TAFA5: variants seen among roughly 807,000 people sequenced by gnomAD.
The protein encoded by TAFA5 is TAFA chemokine like family member 5.
TAFA5 carries 6 observed loss-of-function variants against 15.3 expected under a neutral mutation model. The ratio of observed to expected loss-of-function variants is 0.39; its 90% CI spans 0.21 to 0.77. TAFA5 has a LOEUF of 0.77. Ranked by LOEUF, TAFA5 falls within the 30% of genes least tolerant of loss-of-function variation. TAFA5 has a pLI of 0.41. For missense variants in TAFA5, 161 were observed against 193.1 expected (o/e 0.83, Z 0.98); for synonymous variants, 103 against 80.7 (o/e 1.28, Z -1.48).
intron 1 of TAFA5, among the ~76,000 whole-genome samples, chr22:48,527,416 G>T (rs568907011): frequency 9.2e-5 from 14 of 152,354 alleles, no homozygotes; most frequent in Admixed American, 7.8e-4. Flanking sequence ...GCAAGGCCAG[G>T]GCAGCAGGGG....
At chr22:48,544,356 C>G (rs1601568582) in intron 1 of TAFA5, 9 of 320,828 alleles carry the variant, frequency 2.8e-5, no homozygotes, top group South Asian at 2.2e-4. Context: ...ACAGGGCAAG[C>G]CAATGCCACT....
chr22:48,588,988 G>A (rs912613488), intron 1 of TAFA5, among the ~76,000 whole-genome samples: 1 of 152,236 alleles, frequency 6.6e-6, no homozygotes, highest in African/African-American at 2.4e-5. Flanking sequence ...GATTACAGAA[G>A]CAGCCAAGCA....
intron 3 of TAFA5, among the ~76,000 whole-genome samples, chr22:48,733,531 T>G (rs1929925386): frequency 6.6e-6 from 1 of 152,252 alleles, no homozygotes; most frequent in Admixed American, 6.5e-5. Context: ...GTGTGTGATA[T>G]GAGAAAATAA....
At chr22:48,510,353 A>C (rs983291569) in intron 1 of TAFA5, among the ~76,000 whole-genome samples, 3 of 152,148 alleles carry the variant, frequency 2.0e-5, no homozygotes, top group Admixed American at 2.0e-4. Context: ...CAGCAAAAAA[A>C]CCCCCAAATA....
chr22:48,553,666 C>T, intron 1 of TAFA5, among the ~76,000 whole-genome samples: 1 of 152,222 alleles, frequency 6.6e-6, no homozygotes, highest in East Asian at 1.9e-4. Context: ...TGTCTCTGAG[C>T]ATACCTCCAT....
intron 2 of TAFA5, among the ~76,000 whole-genome samples, chr22:48,673,804 G>C (rs1030498679): frequency 2.0e-5 from 3 of 152,208 alleles, no homozygotes; most frequent in Non-Finnish European, 4.4e-5. Context: ...GGTCCACACA[G>C]AGACACCGCC....
chr22:48,607,778 A>G (rs1230122576), intron 1 of TAFA5, among the ~76,000 whole-genome samples: 1 of 152,024 alleles, frequency 6.6e-6, no homozygotes, highest in African/African-American at 2.4e-5. Context: ...GGCAGACCCA[A>G]AGGAGAGTGG....
chr22:48,734,613 A>G (rs1249980928), intron 3 of TAFA5, among the ~76,000 whole-genome samples: 1 of 152,262 alleles, frequency 6.6e-6, no homozygotes, highest in Non-Finnish European at 1.5e-5. Flanking sequence ...GACCTGCCTC[A>G]GGAGTTAACA....
chr22:48,672,127 C>A (rs1022634), intron 2 of TAFA5, among the ~76,000 whole-genome samples: 71,593 of 152,084 alleles, frequency 0.47, 17,588 homozygotes, highest in East Asian at 0.59. Flanking sequence ...ATTTTCATCT[C>A]GAAGTTTCCT....
intron 2 of TAFA5, among the ~76,000 whole-genome samples, chr22:48,649,956 G>A (rs1464122583): frequency 6.6e-6 from 1 of 152,136 alleles, no homozygotes; most frequent in Non-Finnish European, 1.5e-5. Context: ...CTCAGGAGCC[G>A]GGTCCCAGAG....
At chr22:48,733,877 C>T (rs1443054159) in intron 3 of TAFA5, among the ~76,000 whole-genome samples, 2 of 152,210 alleles carry the variant, frequency 1.3e-5, no homozygotes, top group African/African-American at 4.8e-5. Flanking sequence ...CTGTCTGACT[C>T]TTTGCAGCAC....
At chr22:48,726,291 C>T (rs12157646) in intron 3 of TAFA5, among the ~76,000 whole-genome samples, 2 of 152,032 alleles carry the variant, frequency 1.3e-5, no homozygotes, top group African/African-American at 4.8e-5. Context: ...GTCTTCAGTG[C>T]GGATGGCATC....
chr22:48,534,250 G>C (rs1345428804), intron 1 of TAFA5, among the ~76,000 whole-genome samples: 1 of 151,240 alleles, frequency 6.6e-6, no homozygotes, highest in African/African-American at 2.4e-5. Flanking sequence ...CAGGTGAAAT[G>C]AGTAAGTCAG....
chr22:48,508,488 G>A (rs926788651), intron 1 of TAFA5, among the ~76,000 whole-genome samples: 15 of 152,294 alleles, frequency 9.8e-5, no homozygotes, highest in African/African-American at 3.6e-4. Context: ...GAGGAGGAGA[G>A]AAGGCGGTGG....
At chr22:48,537,184 C>T (rs1268541550) in intron 1 of TAFA5, among the ~76,000 whole-genome samples, 5 of 151,954 alleles carry the variant, frequency 3.3e-5, no homozygotes, top group Admixed American at 3.3e-4. Context: ...GGCTCTCGTT[C>T]CTCTGCCTTT....
intron 1 of TAFA5, among the ~76,000 whole-genome samples, chr22:48,563,356 G>A (rs558220436): frequency 2.0e-4 from 30 of 152,306 alleles, no homozygotes; most frequent in African/African-American, 6.7e-4. Context: ...TGGGGACCAC[G>A]GGGGCCGTTT....
chr22:48,567,644 C>T (rs1022257942), intron 1 of TAFA5, among the ~76,000 whole-genome samples: 14 of 152,146 alleles, frequency 9.2e-5, no homozygotes, highest in Non-Finnish European at 1.6e-4. Flanking sequence ...CCAGCCCCCT[C>T]CTCCTGTCCA....
intron 1 of TAFA5, among the ~76,000 whole-genome samples, chr22:48,542,211 A>G (rs527516558): frequency 9.0e-6 from 1 of 110,550 alleles, no homozygotes; most frequent in African/African-American, 3.7e-5. Context: ...TGTGATGTAC[A>G]TGATGTGTGG....
chr22:48,599,370 G>A (rs1291775111), intron 1 of TAFA5, among the ~76,000 whole-genome samples: 8 of 152,224 alleles, frequency 5.3e-5, no homozygotes. Flanking sequence ...GAAGGGCTGG[G>A]ACAGAGACTG....
Sources: gnomAD v4.1 joint callset for allele counts (sites outside exome capture counted in the v4.1 genomes callset) on GRCh38, gnomAD v4.1.1 for gene constraint, MANE v1.5 for transcripts, NCBI Gene and HGNC (gene_info 2026-07-23, HGNC 2026-07-21) for gene names.